The following GALNT13 variants were observed in gnomAD, a reference collection of about 807,000 sequenced individuals.
GALNT13 encodes the protein polypeptide N-acetylgalactosaminyltransferase 13, also known as UDP-GalNAc:polypeptide N-acetylgalactosaminyltransferase 13.
GALNT13 carries 28 observed loss-of-function variants against 64.2 expected under a neutral mutation model. That is an observed-to-expected ratio of 0.44 (90% CI 0.32 to 0.60). The LOEUF (loss-of-function observed/expected upper bound fraction) is 0.60, where lower values mean the gene tolerates loss of function less well. GALNT13 is among the 20% of genes least tolerant of loss of function. The pLI is 0.05. For missense variants in GALNT13, 577 were observed against 669.8 expected, an observed-to-expected ratio of 0.86 and a Z score of 1.53; for synonymous variants, 214 against 224.6, an observed-to-expected ratio of 0.95 and a Z score of 0.42.
intron 2 of GALNT13, among the ~76,000 whole-genome samples, chr2:153,910,837 T>C (rs945105007): frequency 6.6e-6 from 1 of 152,192 alleles, no homozygotes; most frequent in Non-Finnish European, 1.5e-5. Context: ...TTGTTTTATG[T>C]CCTATTGTGT....
the GALNT13 span, among the ~76,000 whole-genome samples, chr2:153,485,101 TA>T: frequency 3.3e-5 from 5 of 152,250 alleles, no homozygotes; most frequent in African/African-American, 1.2e-4. Context: ...ACAAATTTTC[TA>T]AAACTTTCTT....
At chr2:154,052,679 A>G (rs961277497) in intron 3 of GALNT13, among the ~76,000 whole-genome samples, 2 of 151,330 alleles carry the variant, frequency 1.3e-5, no homozygotes, top group African/African-American at 2.4e-5. Flanking sequence ...TTGGTGTTCA[A>G]TATATGATTG....
At chr2:154,308,200 C>A (rs1386603405) in intron 9 of GALNT13, among the ~76,000 whole-genome samples, 1 of 152,088 alleles carries the variant, frequency 6.6e-6, no homozygotes, top group Non-Finnish European at 1.5e-5. Context: ...GTAGTTTGAT[C>A]TGTATTCCAG....
chr2:154,146,475 T>A (rs1421136270), intron 4 of GALNT13, among the ~76,000 whole-genome samples: 1 of 152,058 alleles, frequency 6.6e-6, no homozygotes, highest in Non-Finnish European at 1.5e-5. Flanking sequence ...AAATTGACAA[T>A]TTTAACTATT....
At chr2:153,936,498 T>C (rs1558862762) in intron 2 of GALNT13, among the ~76,000 whole-genome samples, 1 of 151,714 alleles carries the variant, frequency 6.6e-6, no homozygotes, top group Non-Finnish European at 1.5e-5. Context: ...TGGCTGGAGG[T>C]GACTGATTGG....
chr2:153,237,111 G>T, the GALNT13 span, among the ~76,000 whole-genome samples: 1 of 152,066 alleles, frequency 6.6e-6, no homozygotes, highest in Non-Finnish European at 1.5e-5. Context: ...GCCTGAAGTT[G>T]TAACTGAATT....
At chr2:153,249,140 C>T in the GALNT13 span, among the ~76,000 whole-genome samples, 1 of 152,242 alleles carries the variant, frequency 6.6e-6, no homozygotes, top group East Asian at 1.9e-4. Context: ...CCCATCATCT[C>T]AGCCCAAAAG....
intron 3 of GALNT13, among the ~76,000 whole-genome samples, chr2:153,948,899 C>G (rs1030944561): frequency 2.0e-5 from 3 of 151,990 alleles, no homozygotes; most frequent in Non-Finnish European, 4.4e-5. Flanking sequence ...GAGTACTAGG[C>G]CTAATACCTC....
At chr2:153,911,798 C>G (rs1688959179) in intron 2 of GALNT13, among the ~76,000 whole-genome samples, 1 of 152,118 alleles carries the variant, frequency 6.6e-6, no homozygotes, top group Non-Finnish European at 1.5e-5. Flanking sequence ...GATGGGCTTC[C>G]TTTTGTGGGT....
intron 3 of GALNT13, among the ~76,000 whole-genome samples, chr2:154,047,343 G>A (rs1699342367): frequency 6.6e-6 from 1 of 152,164 alleles, no homozygotes; most frequent in Admixed American, 6.5e-5. Context: ...AGGGGTTTCT[G>A]TAGATCTTAA....
At chr2:154,368,640 A>C (rs573731432) in intron 9 of GALNT13, among the ~76,000 whole-genome samples, 1 of 152,072 alleles carries the variant, frequency 6.6e-6, no homozygotes, top group Non-Finnish European at 1.5e-5. Context: ...TATGCCATTG[A>C]CTTGTTATTG....
At chr2:153,935,061 A>G (rs1690805454) in intron 2 of GALNT13, among the ~76,000 whole-genome samples, 1 of 152,218 alleles carries the variant, frequency 6.6e-6, no homozygotes, top group Non-Finnish European at 1.5e-5. Context: ...ATATAAGGCT[A>G]TTATGAGCAG....
At chr2:154,318,724 C>CAAAAAAAAAA (rs5835510) in intron 9 of GALNT13, among the ~76,000 whole-genome samples, 1 of 96,678 alleles carries the variant, frequency 1.0e-5, no homozygotes. Context: ...AACTCCATTT[C>CAAAAAAAAAA]AAAAAAAAAA....
chr2:153,263,494 A>G, the GALNT13 span, among the ~76,000 whole-genome samples: 2 of 152,186 alleles, frequency 1.3e-5, no homozygotes, highest in African/African-American at 4.8e-5. Flanking sequence ...TGCTAAGAGA[A>G]TCAATAGCAA....
rs1019001060 is a variant in GALNT13 at position 154,451,931 on chromosome 2, CATCTT to C, written c.*1381_*1385del. 7.9e-5 allele frequency: 12 copies of C among 152,060 alleles called. No homozygotes were observed. Among genetic ancestry groups the C allele is most frequent in the African/African-American group, 2.2e-4 (9 of 41,414 alleles). The allele number at this position is 152,060 out of a possible 1,614,324, so 9.4% of individuals were successfully genotyped here. Reference sequence around the variant, plus strand: ...CAGAAGATTCCACTTCTTTGGTCCTCATCTTTACTTAAAAAGCTCTTATAGAAAGG... The same window carrying C: ...CAGAAGATTCCACTTCTTTGGTCCTCTACTTAAAAAGCTCTTATAGAAAGG... On this transcript the variant is annotated 3_prime_UTR_variant, in exon 13 of 13. Transcript: ENST00000392825.
chr2:153,880,449 A>G (rs1306841958), intron 1 of GALNT13, among the ~76,000 whole-genome samples: 1 of 152,114 alleles, frequency 6.6e-6, no homozygotes, highest in Non-Finnish European at 1.5e-5. Flanking sequence ...CCCAATAATG[A>G]GTCATTCCAC....
chr2:154,403,474 G>A (rs1389941872), intron 10 of GALNT13, among the ~76,000 whole-genome samples: 7 of 148,264 alleles, frequency 4.7e-5, no homozygotes, highest in Admixed American at 1.4e-4. Context: ...AAACAAAAAC[G>A]AAAAAAAAAG....
chr2:154,106,769 AT>A (rs1702639237), intron 3 of GALNT13, among the ~76,000 whole-genome samples: 1 of 151,902 alleles, frequency 6.6e-6, no homozygotes, highest in South Asian at 2.1e-4. Flanking sequence ...AATTATATAT[AT>A]TTATGGGGTA....
chr2:153,105,391 C>A, the GALNT13 span, among the ~76,000 whole-genome samples: 5 of 152,128 alleles, frequency 3.3e-5, no homozygotes, highest in African/African-American at 9.6e-5. Context: ...TAAGAGCTAT[C>A]TATGACAAAC....
Sources: gnomAD v4.1 joint callset for allele counts (sites outside exome capture counted in the v4.1 genomes callset) on GRCh38, gnomAD v4.1.1 for gene constraint, MANE v1.5 for transcripts, NCBI Gene and HGNC (gene_info 2026-07-23, HGNC 2026-07-21) for gene names.